Variants in PLXNC1 observed in about 807,000 individuals in gnomAD.
The protein encoded by PLXNC1 is plexin-C1.
A neutral mutation model predicts 178.2 loss-of-function variants in PLXNC1; 75 were observed. That is an observed-to-expected ratio of 0.42 (90% CI 0.35 to 0.51). The LOEUF is 0.51. Ranked by LOEUF, PLXNC1 falls within the 20% of genes least tolerant of loss-of-function variation. The probability of loss-of-function intolerance (pLI) is 0.02; values close to 1 mark genes in which losing one functional copy is unlikely to be tolerated. For synonymous variants in PLXNC1, 790 were observed against 779.9 expected (o/e 1.01, Z -0.22); for missense variants, 1,503 against 1,984.4 (o/e 0.76, Z 4.61).
intron 4 of PLXNC1, among the ~76,000 whole-genome samples, chr12:94,205,505 A>G (rs1019772269): frequency 1.3e-5 from 2 of 152,218 alleles, no homozygotes; most frequent in African/African-American, 2.4e-5. Context: ...CACTGTTTAT[A>G]ACATTATTTC....
chr12:94,289,589 A>C (rs1967069305), intron 23 of PLXNC1, among the ~76,000 whole-genome samples: 1 of 152,200 alleles, frequency 6.6e-6, no homozygotes, highest in Non-Finnish European at 1.5e-5. Context: ...CACTCTTAGA[A>C]GAGCATTTGG....
At chr12:94,249,463 G>C (rs1201758699) in intron 14 of PLXNC1, among the ~76,000 whole-genome samples, 1 of 152,058 alleles carries the variant, frequency 6.6e-6, no homozygotes, top group Non-Finnish European at 1.5e-5. Flanking sequence ...CAAACTCCTT[G>C]CCTCAAGTGA....
intron 1 of PLXNC1, among the ~76,000 whole-genome samples, chr12:94,165,524 T>A (rs986148909): frequency 2.0e-5 from 3 of 152,110 alleles, no homozygotes; most frequent in African/African-American, 7.2e-5. Context: ...TCCAGGCTGG[T>A]GAGAGGAACA....
At chr12:94,154,538 G>T (rs1008608987) in intron 1 of PLXNC1, among the ~76,000 whole-genome samples, 1 of 152,132 alleles carries the variant, frequency 6.6e-6, no homozygotes, top group Non-Finnish European at 1.5e-5. Context: ...AAGCACGAAG[G>T]GTTAAATAAT....
chr12:94,271,113 A>G (rs2136105942), intron 21 of PLXNC1, among the ~76,000 whole-genome samples: 1 of 152,358 alleles, frequency 6.6e-6, no homozygotes, highest in South Asian at 2.1e-4. Flanking sequence ...TGGTATAAGA[A>G]CTAGGCTTTT....
intron 22 of PLXNC1, among the ~76,000 whole-genome samples, chr12:94,280,425 A>G (rs1314375519): frequency 2.0e-5 from 3 of 152,244 alleles, no homozygotes; most frequent in Non-Finnish European, 4.4e-5. Flanking sequence ...TTGACTAAGC[A>G]GGCAATTAAA....
At position 94,306,258 on chromosome 12, in the gene PLXNC1, G is replaced by A. The variant is rs988924086; in HGVS notation, c.*973G>A. ...AAAAAGATACATTTTACATTTTATC[G>A]AATTGCTGTTCACACTGGAGTATTA... On this transcript the variant is annotated 3_prime_UTR_variant, in exon 31 of 31. Coordinates refer to ENST00000258526, the MANE Select transcript of PLXNC1 (RefSeq NM_005761.3). The A allele has an allele frequency of 1.3e-5, 2 of 151,298 alleles. No homozygotes were observed. Among genetic ancestry groups the A allele is most frequent in the Non-Finnish European group, 2.9e-5 (2 of 67,870 alleles). 9.4% of individuals were successfully genotyped at this position (151,298 alleles called of 1,614,324 possible).
rs1019888067 is a variant in PLXNC1 at position 94,294,524 on chromosome 12, A to G, written c.3918A>G (p.Ile1306Met). ...CCACTATAAAAGTCTTTAAGAAGATAGCAAATTTTACTTCAGGTAACCAAT... is the reference window on the plus strand; with the variant it reads ...CCACTATAAAAGTCTTTAAGAAGATGGCAAATTTTACTTCAGGTAACCAAT... ...NGSTIKVFKK[I>M]ANFTSDVEYS... The change falls in exon 24 of 31, where the codon ATA becomes ATG. Residue 1306 changes from isoleucine (I) to methionine (M), a missense_variant. By Grantham distance (10) the Ile-to-Met change is conservative. This residue lies in a region of PLXNC1 where 639 missense variants were observed against 979.7 expected (regional missense o/e 0.65). Coordinates refer to ENST00000258526, the MANE Select transcript of PLXNC1 (RefSeq NM_005761.3). 1 of 1,302,750 alleles carries G rather than the reference A, an allele frequency of 7.7e-7. No homozygotes were observed. The highest frequency in any genetic ancestry group is 1.1e-6 in the Non-Finnish European group (1 of 905,466). 80.7% of individuals were successfully genotyped at this position (1,302,750 alleles called of 1,614,324 possible).
At chr12:94,166,592 C>A (rs1157954506) in intron 1 of PLXNC1, among the ~76,000 whole-genome samples, 1 of 150,650 alleles carries the variant, frequency 6.6e-6, no homozygotes, top group Non-Finnish European at 1.5e-5. Flanking sequence ...TTTTTTGTAA[C>A]CACCCTGCCA....
chr12:94,274,164 A>C (rs1965770161), intron 21 of PLXNC1, among the ~76,000 whole-genome samples: 1 of 132,822 alleles, frequency 7.5e-6, no homozygotes. Context: ...CTAAAAAAAA[A>C]AAAAAAAAAA....
chr12:94,171,233 G>A (rs1271427314), intron 2 of PLXNC1, among the ~76,000 whole-genome samples: 1 of 152,238 alleles, frequency 6.6e-6, no homozygotes, highest in Non-Finnish European at 1.5e-5. Flanking sequence ...GCTTCATGCT[G>A]CTGAGGAGGC....
intron 21 of PLXNC1, among the ~76,000 whole-genome samples, chr12:94,277,353 AGGG>A (rs1966041120): frequency 6.6e-6 from 1 of 152,162 alleles, no homozygotes; most frequent in Admixed American, 6.5e-5. Context: ...ACCTGGAGTT[AGGG>A]GGACATCAAT....
chr12:94,288,729 C>T (rs997430183), intron 23 of PLXNC1, among the ~76,000 whole-genome samples: 2 of 152,226 alleles, frequency 1.3e-5, no homozygotes, highest in African/African-American at 4.8e-5. Flanking sequence ...AGCCTTGGGG[C>T]ATCAGTGAGA....
chr12:94,181,703 G>A, intron 3 of PLXNC1, 123 bp downstream of exon 3: 1 of 801,984 alleles, frequency 1.2e-6, no homozygotes, highest in Non-Finnish European at 2.1e-6. Flanking sequence ...CAGGCTTTGA[G>A]GAGACCCGCA....
intron 11 of PLXNC1, 56 bp downstream of exon 11, chr12:94,240,720 AGAT>A: frequency 7.8e-7 from 1 of 1,288,972 alleles, no homozygotes; most frequent in South Asian, 1.3e-5. Flanking sequence ...ATATGCCCAA[AGAT>A]CATTGATTTT....
At chr12:94,299,561 T>C (rs1243538250) in intron 27 of PLXNC1, among the ~76,000 whole-genome samples, 3 of 141,496 alleles carry the variant, frequency 2.1e-5, no homozygotes, top group Non-Finnish European at 4.7e-5. Flanking sequence ...TCCTGTGTTC[T>C]AGCCTCTTTT....
At chr12:94,272,067 C>A (rs953703195) in intron 21 of PLXNC1, 1 of 152,200 alleles carries the variant, frequency 6.6e-6, no homozygotes, top group Non-Finnish European at 1.5e-5. Context: ...TACAAAGGGG[C>A]CAGGCCTTTC....
At chr12:94,233,428 A>G (rs955553449) in intron 9 of PLXNC1, among the ~76,000 whole-genome samples, 3 of 152,138 alleles carry the variant, frequency 2.0e-5, no homozygotes, top group African/African-American at 7.2e-5. Context: ...GGGGAGCCAC[A>G]CTCAGAAGGC....
chr12:94,259,763 A>C (rs763536965), intron 19 of PLXNC1, 29 bp downstream of exon 19: 25 of 1,563,560 alleles, frequency 1.6e-5, no homozygotes, highest in Non-Finnish European at 2.1e-5. Context: ...ATGTTTTAAA[A>C]GCCTTTAAGA....
Sources: gnomAD v4.1 joint callset for allele counts (sites outside exome capture counted in the v4.1 genomes callset) on GRCh38, gnomAD v4.1.1 for gene constraint, gnomAD v4.1.1 regional missense constraint, MANE v1.5 for transcripts, NCBI Gene and HGNC (gene_info 2026-07-23, HGNC 2026-07-21) for gene names.